Variants in PCP4 observed in about 807,000 individuals in gnomAD.
The protein encoded by PCP4 is Purkinje cell protein 4.
A neutral mutation model predicts 10.0 loss-of-function variants in PCP4; 8 were observed. That is an observed-to-expected ratio of 0.80 (90% confidence interval 0.47 to 1.45). The LOEUF is 1.45. Ranked by LOEUF, PCP4 falls within the 40% of genes most tolerant of loss-of-function variation. The pLI, the probability that PCP4 is intolerant of heterozygous loss-of-function variation, is 0.00. For synonymous variants in PCP4, 21 were observed against 23.0 expected, an observed-to-expected ratio of 0.91 and a Z score of 0.24; for missense variants, 54 against 74.4, an observed-to-expected ratio of 0.73 and a Z score of 1.01.
chr21:39,885,648 G>A (rs1461725781), intron 1 of PCP4, among the ~76,000 whole-genome samples: 1 of 152,204 alleles, frequency 6.6e-6, no homozygotes, highest in African/African-American at 2.4e-5. Context: ...CCCAAGCTGC[G>A]CTGAAGGAGA....
chr21:39,907,976 G>A (rs2087520977), intron 2 of PCP4, among the ~76,000 whole-genome samples: 1 of 152,142 alleles, frequency 6.6e-6, no homozygotes, highest in South Asian at 2.1e-4. Flanking sequence ...TCCCTCCCTG[G>A]CCTTTGGGCC....
intron 2 of PCP4, among the ~76,000 whole-genome samples, chr21:39,915,365 T>A (rs2087563849): frequency 6.6e-6 from 1 of 152,128 alleles, no homozygotes; most frequent in Admixed American, 6.5e-5. Flanking sequence ...GCCCATCCAA[T>A]ACACAGTAAA....
intron 1 of PCP4, among the ~76,000 whole-genome samples, chr21:39,898,165 C>T (rs540631547): frequency 6.6e-6 from 1 of 151,796 alleles, no homozygotes; most frequent in East Asian, 1.9e-4. Context: ...GTAGCTGATA[C>T]AGAACCTTGG....
At chr21:39,925,944 C>G (rs2087618985) in intron 2 of PCP4, 1 of 437,816 alleles carries the variant, frequency 2.3e-6, no homozygotes, top group Non-Finnish European at 4.6e-6. Context: ...CCTGCTGAAT[C>G]TGGGGTATTT....
At chr21:39,903,440 G>A (rs1179101016) in intron 2 of PCP4, among the ~76,000 whole-genome samples, 1 of 152,188 alleles carries the variant, frequency 6.6e-6, no homozygotes, top group Non-Finnish European at 1.5e-5. Flanking sequence ...CACTGTCGTT[G>A]TGTTTCTTTG....
Position 39,906,912 on chromosome 21 carries a change from G to A in PCP4, c.61+8385G>A, listed in dbSNP as rs2087513704. ...GGTTCTGCTTGTCAATTACTTTTAT[G>A]GAAATAGTATTTCTCACGCGCTTGA... On this transcript the variant is annotated intron_variant, in intron 2 of 2. Coordinates refer to ENST00000328619, the MANE Select transcript of PCP4 (RefSeq NM_006198.3). The surrounding 1 kb of genome is among the most constrained non-coding windows in gnomAD (Gnocchi z 6.3). 6.6e-6 allele frequency among the ~76,000 whole-genome samples: 1 copy of A among 152,098 alleles called. No homozygotes were observed. The highest frequency in any genetic ancestry group is 1.5e-5 in the Non-Finnish European group (1 of 68,026).
intron 2 of PCP4, among the ~76,000 whole-genome samples, chr21:39,908,163 C>G (rs945015786): frequency 4.6e-5 from 7 of 152,204 alleles, no homozygotes; most frequent in Middle Eastern, 6.8e-3. Context: ...TTCATGTTAA[C>G]TGTGTAGTGT....
At chr21:39,908,682 G>C (rs536024247) in intron 2 of PCP4, among the ~76,000 whole-genome samples, 1 of 152,248 alleles carries the variant, frequency 6.6e-6, no homozygotes, top group African/African-American at 2.4e-5. Context: ...AAGGAAAGGT[G>C]GGGAGGAGGG....
intron 1 of PCP4, among the ~76,000 whole-genome samples, chr21:39,876,021 G>A (rs1051641015): frequency 6.6e-6 from 1 of 151,748 alleles, no homozygotes; most frequent in Admixed American, 6.6e-5. Context: ...CTTGGTGTTT[G>A]TGCTGATGGT....
chr21:39,905,445 G>A (rs1355909344), intron 2 of PCP4, among the ~76,000 whole-genome samples: 1 of 152,114 alleles, frequency 6.6e-6, no homozygotes, highest in Non-Finnish European at 1.5e-5. Flanking sequence ...TAAAGCCATC[G>A]CAGTCTCCAG....
chr21:39,909,602 C>A (rs577723404), intron 2 of PCP4, among the ~76,000 whole-genome samples: 1 of 151,598 alleles, frequency 6.6e-6, no homozygotes. Context: ...AGTGGAAATA[C>A]GTATTGATTG....
At chr21:39,889,411 CTTTTTTTTTTT>C (rs547540626) in intron 1 of PCP4, among the ~76,000 whole-genome samples, 1 of 85,686 alleles carries the variant, frequency 1.2e-5, no homozygotes, top group Non-Finnish European at 2.1e-5. Context: ...AAACCAAGTT[CTTTTTTTTTTT>C]TTTTTTTTTT....
chr21:39,883,936 C>T (rs2087387989), intron 1 of PCP4, among the ~76,000 whole-genome samples: 3 of 152,112 alleles, frequency 2.0e-5, no homozygotes, highest in African/African-American at 7.2e-5. Flanking sequence ...TCATTTAGTT[C>T]TCACACATTA....
chr21:39,901,544 C>G (rs964965984), intron 2 of PCP4, among the ~76,000 whole-genome samples: 25 of 152,208 alleles, frequency 1.6e-4, no homozygotes, highest in African/African-American at 5.5e-4. Context: ...TTCTGCCATT[C>G]AAAGACATGG....
At chr21:39,910,671 C>T (rs1447712619) in intron 2 of PCP4, among the ~76,000 whole-genome samples, 3 of 152,192 alleles carry the variant, frequency 2.0e-5, no homozygotes, top group Non-Finnish European at 4.4e-5. Flanking sequence ...TGTTTAGCAT[C>T]CGATTTTGGC....
chr21:39,904,945 G>T (rs2087499289), intron 2 of PCP4, among the ~76,000 whole-genome samples: 1 of 152,178 alleles, frequency 6.6e-6, no homozygotes. Context: ...TGTCAGAAAT[G>T]TCAGAAAGGT....
chr21:39,881,175 C>T (rs1370250193), intron 1 of PCP4, among the ~76,000 whole-genome samples: 2 of 152,144 alleles, frequency 1.3e-5, no homozygotes, highest in African/African-American at 4.8e-5. Flanking sequence ...CAAAAGTATA[C>T]AATCTTGGGC....
intron 2 of PCP4, among the ~76,000 whole-genome samples, chr21:39,919,461 A>G (rs1279324892): frequency 1.3e-5 from 2 of 152,228 alleles, no homozygotes; most frequent in Non-Finnish European, 2.9e-5. Flanking sequence ...ATAGTACGCT[A>G]TGTGCTGTGA....
rs532065335 is a variant in PCP4, at chr21:39,871,212, C to G, written c.9+3702C>G. ...TGTTTTGCCACTGATTTTAAAATAT[C>G]ATACATACAACAGTGGTTTGGGGCT... On this transcript the variant is annotated intron_variant, in intron 1 of 2. Coordinates refer to ENST00000328619, the MANE Select transcript of PCP4 (RefSeq NM_006198.3). 2.6e-4 allele frequency among the ~76,000 whole-genome samples: 39 copies of G among 152,302 alleles called. 1 individual carries two copies. The highest frequency in any genetic ancestry group is 2.3e-3 in the Admixed American group (35 of 15,302).
Sources: gnomAD v4.1 joint callset for allele counts (sites outside exome capture counted in the v4.1 genomes callset) on GRCh38, gnomAD v4.1.1 for gene constraint, Gnocchi (gnomAD v3.1) non-coding constraint, MANE v1.5 for transcripts, NCBI Gene and HGNC (gene_info 2026-07-23, HGNC 2026-07-21) for gene names.